Variants in FGF14 observed in about 807,000 individuals in gnomAD.
The protein encoded by FGF14 is fibroblast growth factor homologous factor 4.
In FGF14, 5 loss-of-function variants were observed where a neutral mutation model predicts 25.5. The observed-to-expected ratio is 0.20, with a 90% CI of 0.10 to 0.41. FGF14 has a LOEUF of 0.41. FGF14 is among the 10% of genes least tolerant of loss of function. The probability of loss-of-function intolerance (pLI) is 1.00; values close to 1 mark genes in which losing one functional copy is unlikely to be tolerated. For synonymous variants in FGF14, 138 were observed against 118.3 expected, an observed-to-expected ratio of 1.17 and a Z score of -1.08; for missense variants, 222 against 320.1, an observed-to-expected ratio of 0.69 and a Z score of 2.34.
chr13:101,750,195 T>C (rs189325987), intron 3 of FGF14, among the ~76,000 whole-genome samples: 5 of 152,230 alleles, frequency 3.3e-5, no homozygotes, highest in African/African-American at 9.6e-5. Context: ...GCAGCCTGAA[T>C]AGAATAAGAT....
rs971117353 is a variant in FGF14 at position 101,752,961 on chromosome 13, G to A, written c.409-26151C>T. On this transcript the variant is annotated intron_variant, in intron 3 of 4. Transcript: ENST00000376143. ...CACCTAGACTAATCACTGGATAAGC[G>A]AAGTGGGGCTGCTATGACAGATATA... 3.3e-5 allele frequency among the ~76,000 whole-genome samples: 5 copies of A among 152,108 alleles called. No homozygotes were observed. In the East Asian group the frequency reaches 7.7e-4, roughly 23 times the overall value.
intron 1 of FGF14, among the ~76,000 whole-genome samples, chr13:101,939,145 C>G (rs188213496): frequency 1.6e-4 from 24 of 152,304 alleles, no homozygotes; most frequent in Non-Finnish European, 2.8e-4. Flanking sequence ...GTCAAACATT[C>G]AGTGTTTGAG....
At position 102,185,582 on chromosome 13, in the gene FGF14, GAAATGT is replaced by G. The variant is rs545459280; in HGVS notation, c.208+215883_208+215888del. 3.3e-3 allele frequency among the ~76,000 whole-genome samples: 502 copies of G among 152,246 alleles called. 7 individuals carry two copies. Among genetic ancestry groups the G allele is most frequent in the African/African-American group, 0.011 (476 of 41,550 alleles). ...ATAAACTATATCAGATACAGGATGA[GAAATGT>G]ATCTCTTAAAGATCTCCATATGAGT... On this transcript the variant is annotated intron_variant, in intron 1 of 4. Coordinates refer to the FGF14 transcript ENST00000376131.
intron 1 of FGF14, among the ~76,000 whole-genome samples, chr13:101,879,105 T>C (rs187745822): frequency 7.4e-4 from 112 of 152,316 alleles, no homozygotes; most frequent in African/African-American, 2.5e-3. Flanking sequence ...AATTATTAGT[T>C]CTTTATTCTC....
At position 101,916,487 on chromosome 13, in the gene FGF14, G is replaced by A. The variant is rs1566430833; in HGVS notation, c.159C>T (p.Ile53=). ...GCAACCTGCGCTTCTTGAGGCCGAA[G>A]ATGCGCACTTTGGAGAAGATATCCA... ...NLVDIFSKVR[I]FGLKKRRLRR... Residue 53 remains isoleucine, a synonymous_variant, in exon 1 of 5, where the codon ATC becomes ATT. Coordinates refer to ENST00000376143, the MANE Select transcript of FGF14 (RefSeq NM_004115.4). 6 of 1,613,994 alleles carry A rather than the reference G, an allele frequency of 3.7e-6. No homozygotes were observed. The South Asian group carries it at 4.4e-5, about 12-fold the overall frequency.
intron 3 of FGF14, among the ~76,000 whole-genome samples, chr13:101,778,286 T>C (rs1276035198): frequency 1.2e-4 from 18 of 152,220 alleles, no homozygotes. Flanking sequence ...AGATGCCCGT[T>C]GCCATCGCTA....
At chr13:101,750,900 A>G (rs1265120832) in intron 3 of FGF14, among the ~76,000 whole-genome samples, 1 of 152,306 alleles carries the variant, frequency 6.6e-6, no homozygotes, top group South Asian at 2.1e-4. Context: ...GAAACCTTAA[A>G]TGCATATTAC....
chr13:102,326,355 T>C (rs1408286394), intron 1 of FGF14, among the ~76,000 whole-genome samples: 1 of 152,176 alleles, frequency 6.6e-6, no homozygotes, highest in Non-Finnish European at 1.5e-5. Flanking sequence ...AATTATTATA[T>C]AGCCTAAGTT....
intron 3 of FGF14, among the ~76,000 whole-genome samples, chr13:101,779,222 C>A (rs183735087): frequency 6.6e-6 from 1 of 152,166 alleles, no homozygotes; most frequent in Admixed American, 6.6e-5. Context: ...CGGAATCACC[C>A]CCTTTAGTTA....
chr13:102,021,538 A>G (rs73563697), intron 1 of FGF14, among the ~76,000 whole-genome samples: 4,822 of 152,082 alleles, frequency 0.032, 245 homozygotes, highest in African/African-American at 0.11. Context: ...TCACTCAGCA[A>G]CAACCCTGAG....
chr13:102,350,360 T>A (rs1006506138), intron 1 of FGF14, among the ~76,000 whole-genome samples: 1 of 146,438 alleles, frequency 6.8e-6, no homozygotes, highest in Non-Finnish European at 1.5e-5. Context: ...GGTGACAGAG[T>A]GAAACCCTCT....
In FGF14 at chr13:102,391,307, T is replaced by C. The variant is rs139230457; in HGVS notation, c.208+10164A>G. On this transcript the variant is annotated intron_variant, in intron 1 of 4. Transcript: ENST00000376131. The stretch of plus-strand genomic sequence containing the variant: ...GTCTGACAAAGCTGGGCGGACTTTA[T>C]GGCTGCATATCAGACCACATACTAA... Among the ~76,000 whole-genome samples the C allele has an allele frequency of 1.5e-3, 230 of 152,338 alleles. 3 individuals carry two copies. Among genetic ancestry groups the C allele is most frequent in the African/African-American group, 5.1e-3 (211 of 41,572 alleles).
chr13:102,179,072 G>A (rs1463797946), intron 1 of FGF14, among the ~76,000 whole-genome samples: 1 of 152,076 alleles, frequency 6.6e-6, no homozygotes, highest in Non-Finnish European at 1.5e-5. Flanking sequence ...TCTGCAGAAC[G>A]GGATTCAGTC....
chr13:102,262,957 G>T, intron 1 of FGF14: 1 of 447,826 alleles, frequency 2.2e-6, no homozygotes, highest in Non-Finnish European at 4.1e-6. Flanking sequence ...TCTCCAGATA[G>T]TGGTGACATT....
At chr13:101,759,687 T>C (rs2037884141) in intron 3 of FGF14, among the ~76,000 whole-genome samples, 1 of 152,194 alleles carries the variant, frequency 6.6e-6, no homozygotes, top group Non-Finnish European at 1.5e-5. Context: ...TGGGCTTCAG[T>C]TTGCTCAGCT....
chr13:101,756,456 C>A (rs929628074), intron 3 of FGF14, among the ~76,000 whole-genome samples: 1 of 152,090 alleles, frequency 6.6e-6, no homozygotes, highest in Non-Finnish European at 1.5e-5. Flanking sequence ...GTCTTAAAGC[C>A]AGGCACGGTG....
intron 1 of FGF14, among the ~76,000 whole-genome samples, chr13:102,094,842 G>A (rs981962374): frequency 1.3e-5 from 2 of 152,012 alleles, no homozygotes; most frequent in African/African-American, 2.4e-5. Context: ...ACAATGCTCC[G>A]GCCACCTAGA....
chr13:102,074,161 C>T (rs913599718), intron 1 of FGF14, among the ~76,000 whole-genome samples: 2 of 152,124 alleles, frequency 1.3e-5, no homozygotes, highest in Non-Finnish European at 1.5e-5. Context: ...CAAGTGTGCA[C>T]CACCATACCT....
intron 1 of FGF14, among the ~76,000 whole-genome samples, chr13:102,350,508 T>C (rs1179371921): frequency 6.6e-6 from 1 of 152,218 alleles, no homozygotes; most frequent in African/African-American, 2.4e-5. Context: ...GTGGAAACTC[T>C]GATGGGTCTT....
Sources: gnomAD v4.1 joint callset for allele counts (sites outside exome capture counted in the v4.1 genomes callset) on GRCh38, gnomAD v4.1.1 for gene constraint, MANE v1.5 for transcripts, NCBI Gene and HGNC (gene_info 2026-07-23, HGNC 2026-07-21) for gene names.